PTPRT: variants seen among roughly 807,000 people sequenced by gnomAD.
PTPRT encodes the protein receptor-type tyrosine-protein phosphatase T.
Under a neutral mutation model 176.8 loss-of-function variants are expected in PTPRT, and 56 were observed. The observed-to-expected ratio is 0.32, with a 90% confidence interval of 0.26 to 0.40. The LOEUF is 0.40. Among genes scored for constraint, PTPRT ranks in the 10% least tolerant of loss-of-function variants. The pLI is 1.00. For synonymous variants in PTPRT, 783 were observed against 739.0 expected (o/e 1.06, Z -0.96); for missense variants, 1,540 against 1,908.2 (o/e 0.81, Z 3.60).
chr20:42,431,312 A>C (rs985467298), intron 9 of PTPRT, among the ~76,000 whole-genome samples: 1 of 152,196 alleles, frequency 6.6e-6, no homozygotes, highest in East Asian at 1.9e-4. Context: ...TGTTCTTTCC[A>C]CCATGATGCA....
chr20:42,568,695 A>G (rs914678851), intron 7 of PTPRT, among the ~76,000 whole-genome samples: 1 of 152,120 alleles, frequency 6.6e-6, no homozygotes, highest in African/African-American at 2.4e-5. Context: ...CCTGGCCTAC[A>G]GAGAGCTGTC....
rs536394384 is a variant in PTPRT at position 43,071,395 on chromosome 20, G to A, written c.88+118251C>T. On this transcript the variant is annotated intron_variant, in intron 1 of 30. Transcript: ENST00000373187. ...CTCCAGGTGCTTCTCATGGATGCTC[G>A]AGTTTGAGAACTGCAGCCTCAGAGT... Among the ~76,000 whole-genome samples, 4 of 152,292 alleles carry A rather than the reference G, an allele frequency of 2.6e-5. No homozygotes were observed. In the South Asian group the frequency reaches 6.2e-4, roughly 24 times the overall value.
intron 5 of PTPRT, among the ~76,000 whole-genome samples, chr20:42,759,360 GCTGT>G (rs759330502): frequency 1.3e-5 from 2 of 152,006 alleles, no homozygotes; most frequent in Non-Finnish European, 2.9e-5. Context: ...ACTTCTTATC[GCTGT>G]CATATATAAG....
At chr20:42,090,026 G>A (rs949069203) in intron 27 of PTPRT, among the ~76,000 whole-genome samples, 1 of 152,154 alleles carries the variant, frequency 6.6e-6, no homozygotes, top group East Asian at 1.9e-4. Context: ...GTTTCTTCTT[G>A]AAGCTCCCTG....
At chr20:42,312,618 CAT>C (rs1366368686) in intron 12 of PTPRT, among the ~76,000 whole-genome samples, 1 of 152,132 alleles carries the variant, frequency 6.6e-6, no homozygotes, top group Non-Finnish European at 1.5e-5. Context: ...ACCCGCAAGA[CAT>C]GTGGCATAAG....
At chr20:42,159,681 G>A (rs16986584) in intron 17 of PTPRT, among the ~76,000 whole-genome samples, 21,514 of 151,988 alleles carry the variant, frequency 0.14, 3,953 homozygotes, top group African/African-American at 0.43. Flanking sequence ...TACTTAGACC[G>A]TTTTTGAAAT....
At chr20:42,480,629 T>G (rs889868525) in intron 7 of PTPRT, among the ~76,000 whole-genome samples, 1 of 152,154 alleles carries the variant, frequency 6.6e-6, no homozygotes, top group Non-Finnish European at 1.5e-5. Context: ...AAGGATGATA[T>G]GATGAAGCTT....
chr20:42,084,337 A>G (rs1445153112), intron 29 of PTPRT, among the ~76,000 whole-genome samples: 1 of 152,148 alleles, frequency 6.6e-6, no homozygotes, highest in East Asian at 1.9e-4. Flanking sequence ...CTTCACATCC[A>G]TCTATCAGCC....
intron 7 of PTPRT, among the ~76,000 whole-genome samples, chr20:42,541,821 T>A (rs940690719): frequency 1.6e-4 from 23 of 146,632 alleles, no homozygotes; most frequent in Admixed American, 2.7e-4. Context: ...TTTAAAATTT[T>A]AAAAAATTTT....
Position 42,146,953 on chromosome 20 carries a change from A to G in PTPRT, c.2683-4951T>C, listed in dbSNP as rs531446554. Among the ~76,000 whole-genome samples the G allele has an allele frequency of 3.3e-5, 5 of 152,234 alleles. No individual in the cohort carries two copies. In the East Asian group the frequency reaches 9.7e-4, roughly 29 times the overall value. ...CTGAGTCCGTCTGACAAACTCCTAC[A>G]TGTCCTTCAAAACTCAGCGTAAGCA... On this transcript the variant is annotated intron_variant, in intron 17 of 30. Transcript: ENST00000373187.
the PTPRT span, among the ~76,000 whole-genome samples, chr20:42,035,153 C>T: frequency 4.0e-4 from 61 of 152,202 alleles, no homozygotes; most frequent in African/African-American, 1.4e-3. Flanking sequence ...TTCAAATTTT[C>T]ATTCATCATT....
intron 16 of PTPRT, among the ~76,000 whole-genome samples, chr20:42,197,268 A>C (rs113659224): frequency 0.021 from 3,078 of 149,516 alleles, 107 homozygotes; most frequent in African/African-American, 0.071. Flanking sequence ...ATTCCCAGCT[A>C]CTTGGGAGGC....
At chr20:43,001,878 AC>A (rs532731895) in intron 1 of PTPRT, among the ~76,000 whole-genome samples, 9,174 of 147,256 alleles carry the variant, frequency 0.062, 304 homozygotes, top group Non-Finnish European at 0.078. Context: ...AAACAAACAA[AC>A]AAAAAAACAA....
intron 7 of PTPRT, among the ~76,000 whole-genome samples, chr20:42,544,097 C>T (rs886384166): frequency 2.0e-5 from 3 of 152,158 alleles, no homozygotes; most frequent in Non-Finnish European, 4.4e-5. Flanking sequence ...AGTTGCATTA[C>T]CCCCTCACTA....
chr20:42,631,855 G>T (rs906166897), intron 7 of PTPRT, among the ~76,000 whole-genome samples: 2 of 152,156 alleles, frequency 1.3e-5, no homozygotes, highest in African/African-American at 2.4e-5. Flanking sequence ...GAGAAGACTG[G>T]CCCCTTGACC....
At position 42,561,437 on chromosome 20, in the gene PTPRT, G is replaced by A. The variant is rs1049572374; in HGVS notation, c.1154-88875C>T. Reference sequence around the variant, plus strand: ...TTAATACCAATGACACTGCTCTGCTGTCACTATCAGTGCCCCATGCAAGCC... The same window carrying A: ...TTAATACCAATGACACTGCTCTGCTATCACTATCAGTGCCCCATGCAAGCC... On this transcript the variant is annotated intron_variant, in intron 7 of 30. Coordinates refer to ENST00000373187, the MANE Select transcript of PTPRT (RefSeq NM_007050.6). Among the ~76,000 whole-genome samples, 9 of 152,218 alleles carry A rather than the reference G, an allele frequency of 5.9e-5. No homozygotes were observed. The East Asian group carries it at 1.3e-3, about 23-fold the overall frequency.
At chr20:42,559,350 G>C (rs2072912215) in intron 7 of PTPRT, among the ~76,000 whole-genome samples, 1 of 152,092 alleles carries the variant, frequency 6.6e-6, no homozygotes, top group African/African-American at 2.4e-5. Flanking sequence ...GCTAGATGGG[G>C]GAAGCTTCTC....
chr20:42,851,292 T>A (rs2078464926), intron 2 of PTPRT, among the ~76,000 whole-genome samples: 1 of 152,222 alleles, frequency 6.6e-6, no homozygotes. Context: ...CTATCAAAAG[T>A]ATCTAAAGAT....
Position 42,081,817 on chromosome 20 carries a change from A to G in PTPRT, c.4272+65T>C, listed in dbSNP as rs868551917. ...TTGAGTGATGTTACTATTTGATGTCATTTTCTCCAGGTCAAGGGAACTAGT... is the reference window on the plus strand; with the variant it reads ...TTGAGTGATGTTACTATTTGATGTCGTTTTCTCCAGGTCAAGGGAACTAGT... On this transcript the variant is annotated intron_variant, in intron 30 of 30. Transcript: ENST00000373187. 4.2e-5 allele frequency: 66 copies of G among 1,576,558 alleles called. No individual in the cohort carries two copies. In the Middle Eastern group the frequency reaches 1.8e-3, roughly 44 times the overall value.
Sources: allele counts gnomAD v4.1 joint callset (sites outside exome capture counted in the v4.1 genomes callset), GRCh38; gene constraint gnomAD v4.1.1; transcripts MANE v1.5; gene names NCBI Gene and HGNC (gene_info 2026-07-23, HGNC 2026-07-21).